PTPRD: variants seen among roughly 807,000 people sequenced by gnomAD.
The protein encoded by PTPRD is receptor-type tyrosine-protein phosphatase delta.
A neutral mutation model predicts 214.5 loss-of-function variants in PTPRD; 34 were observed. The ratio of observed to expected loss-of-function variants is 0.16; its 90% CI spans 0.12 to 0.21. The LOEUF (loss-of-function observed/expected upper bound fraction) is 0.21. PTPRD is among the 10% of genes least tolerant of loss of function. The pLI is 1.00. For synonymous variants in PTPRD, 1,128 were observed against 845.7 expected (o/e 1.33, Z -5.79); for missense variants, 2,545 against 2,398.7 (o/e 1.06, Z -1.27).
At chr9:9,707,279 TA>T (rs1325172933) in intron 7 of PTPRD, among the ~76,000 whole-genome samples, 1 of 152,198 alleles carries the variant, frequency 6.6e-6, no homozygotes, top group Non-Finnish European at 1.5e-5. Flanking sequence ...AAAATAAGAA[TA>T]TTTTTGGGCA....
chr9:10,278,889 C>T (rs1210817802), intron 3 of PTPRD, among the ~76,000 whole-genome samples: 1 of 152,098 alleles, frequency 6.6e-6, no homozygotes, highest in East Asian at 1.9e-4. Flanking sequence ...ATTCTCCTGC[C>T]TCAGCCTCCC....
At chr9:8,378,664 G>A (rs1390206885) in intron 37 of PTPRD, among the ~76,000 whole-genome samples, 1 of 151,930 alleles carries the variant, frequency 6.6e-6, no homozygotes, top group African/African-American at 2.4e-5. Context: ...AAATCCCTAA[G>A]GACAAATATC....
At chr9:9,675,314 G>T (rs945419909) in intron 7 of PTPRD, among the ~76,000 whole-genome samples, 1 of 151,726 alleles carries the variant, frequency 6.6e-6, no homozygotes, top group African/African-American at 2.4e-5. Flanking sequence ...ATTCTTAAAT[G>T]CTCATAATAA....
intron 5 of PTPRD, among the ~76,000 whole-genome samples, chr9:9,774,933 T>C (rs192422344): frequency 6.6e-6 from 1 of 152,308 alleles, no homozygotes; most frequent in Non-Finnish European, 1.5e-5. Flanking sequence ...GAAAACAAAG[T>C]AATAATGGAA....
intron 2 of PTPRD, among the ~76,000 whole-genome samples, chr9:10,525,079 T>A (rs543361414): frequency 6.6e-6 from 1 of 152,124 alleles, no homozygotes; most frequent in African/African-American, 2.4e-5. Flanking sequence ...TCAAATGATA[T>A]TATCAGGAAG....
At chr9:8,506,296 T>C (rs2097542001) in intron 22 of PTPRD, among the ~76,000 whole-genome samples, 1 of 152,222 alleles carries the variant, frequency 6.6e-6, no homozygotes, top group Non-Finnish European at 1.5e-5. Context: ...AATGAATATA[T>C]GTGTGAAGTT....
intron 11 of PTPRD, among the ~76,000 whole-genome samples, chr9:8,874,417 A>G (rs1350579115): frequency 6.6e-6 from 1 of 152,164 alleles, no homozygotes; most frequent in Non-Finnish European, 1.5e-5. Flanking sequence ...GAGAGACAGG[A>G]AAGTGGCCTA....
intron 2 of PTPRD, among the ~76,000 whole-genome samples, chr9:10,469,942 C>A (rs1438819378): frequency 2.8e-5 from 4 of 143,746 alleles, no homozygotes; most frequent in Non-Finnish European, 4.5e-5. Flanking sequence ...TATGTGAGAG[C>A]TGAAAAAAAA....
intron 11 of PTPRD, chr9:8,962,171 T>C (rs150568817): frequency 1.3e-5 from 2 of 152,234 alleles, no homozygotes; most frequent in African/African-American, 4.8e-5. Context: ...AACAAAGATA[T>C]GAGACTCCTT....
chr9:9,233,865 G>A (rs2099964770), intron 9 of PTPRD, among the ~76,000 whole-genome samples: 1 of 152,196 alleles, frequency 6.6e-6, no homozygotes, highest in Non-Finnish European at 1.5e-5. Flanking sequence ...GCTTTGTAGG[G>A]TATAGTCACT....
intron 2 of PTPRD, among the ~76,000 whole-genome samples, chr9:10,404,103 C>T (rs1260273326): frequency 6.6e-6 from 1 of 151,628 alleles, no homozygotes; most frequent in Non-Finnish European, 1.5e-5. Flanking sequence ...ACAGTGTATG[C>T]AAACTGTACT....
At chr9:10,374,981 T>C (rs1378242608) in intron 2 of PTPRD, among the ~76,000 whole-genome samples, 1 of 152,052 alleles carries the variant, frequency 6.6e-6, no homozygotes, top group African/African-American at 2.4e-5. Context: ...TATTGAACTA[T>C]GGAAACATAG....
chr9:10,288,231 A>G (rs1298148258), intron 3 of PTPRD, among the ~76,000 whole-genome samples: 2 of 151,968 alleles, frequency 1.3e-5, no homozygotes, highest in African/African-American at 4.8e-5. Flanking sequence ...AAAACTTTAA[A>G]AAATTAACTT....
chr9:9,066,654 G>A (rs2099734922), intron 10 of PTPRD, among the ~76,000 whole-genome samples: 1 of 152,112 alleles, frequency 6.6e-6, no homozygotes, highest in South Asian at 2.1e-4. Flanking sequence ...TCTCAGATAT[G>A]CTTGTAAGAG....
chr9:9,420,486 T>C (rs901428427), intron 8 of PTPRD, among the ~76,000 whole-genome samples: 2 of 151,900 alleles, frequency 1.3e-5, no homozygotes, highest in African/African-American at 4.8e-5. Context: ...CATTATATTT[T>C]AAAATACCTA....
At chr9:8,889,843 C>A (rs965776523) in intron 11 of PTPRD, among the ~76,000 whole-genome samples, 1 of 152,110 alleles carries the variant, frequency 6.6e-6, no homozygotes, top group African/African-American at 2.4e-5. Context: ...ACCACATTTT[C>A]TTTATCCACT....
At chr9:9,583,865 G>T (rs908036319) in intron 7 of PTPRD, among the ~76,000 whole-genome samples, 4 of 151,936 alleles carry the variant, frequency 2.6e-5, no homozygotes, top group African/African-American at 9.7e-5. Flanking sequence ...GCAGCATTTG[G>T]GTGCCACTTG....
intron 7 of PTPRD, among the ~76,000 whole-genome samples, chr9:9,714,162 G>A (rs1027730364): frequency 6.6e-6 from 1 of 150,394 alleles, no homozygotes; most frequent in African/African-American, 2.4e-5. Flanking sequence ...TGTATTTAAA[G>A]CTGAAATGAA....
intron 2 of PTPRD, among the ~76,000 whole-genome samples, chr9:10,364,286 C>A (rs954261751): frequency 1.3e-5 from 2 of 152,164 alleles, no homozygotes; most frequent in Admixed American, 1.3e-4. Context: ...CAGGCATGAG[C>A]CACCACTCCC....
Sources: allele counts gnomAD v4.1 joint callset (sites outside exome capture counted in the v4.1 genomes callset), GRCh38; gene constraint gnomAD v4.1.1; transcripts MANE v1.5; gene names NCBI Gene and HGNC (gene_info 2026-07-23, HGNC 2026-07-21).